SLC12A6: variants seen among roughly 807,000 people sequenced by gnomAD.
SLC12A6 encodes the protein K-Cl cotransporter 3.
A neutral mutation model predicts 135.3 loss-of-function variants in SLC12A6; 66 were observed. The observed-to-expected ratio is 0.49, with a 90% CI of 0.40 to 0.60. SLC12A6 has a LOEUF of 0.60. SLC12A6 is among the 20% of genes least tolerant of loss of function. The probability of loss-of-function intolerance (pLI) is 0.00; values close to 1 mark genes in which losing one functional copy is unlikely to be tolerated. For missense variants in SLC12A6, 1,058 were observed against 1,452.3 expected (o/e 0.73, Z 4.41); for synonymous variants, 513 against 508.8 (o/e 1.01, Z -0.11).
chr15:34,269,010 C>T (rs947637243), intron 3 of SLC12A6, among the ~76,000 whole-genome samples: 2 of 152,058 alleles, frequency 1.3e-5, no homozygotes, highest in African/African-American at 2.4e-5. Context: ...GCGCCTGCCA[C>T]CATGCCTGGC....
intron 2 of SLC12A6, among the ~76,000 whole-genome samples, chr15:34,300,019 CTAAA>C (rs1209610568): frequency 1.1e-4 from 16 of 151,968 alleles, no homozygotes; most frequent in South Asian, 4.2e-4. Context: ...ATTTGGAAGA[CTAAA>C]TGAGCAAAAA....
intron 3 of SLC12A6, among the ~76,000 whole-genome samples, chr15:34,262,261 C>CT (rs1226217431): frequency 5.3e-5 from 8 of 152,032 alleles, no homozygotes; most frequent in East Asian, 3.9e-4. Context: ...TTGTTTTAGC[C>CT]TTTTTTTGCA....
chr15:34,307,640 T>C (rs973977475), intron 2 of SLC12A6, among the ~76,000 whole-genome samples: 18 of 152,272 alleles, frequency 1.2e-4, no homozygotes, highest in African/African-American at 4.3e-4. Context: ...ATAATCAAAG[T>C]TGGAGTAGAA....
intron 2 of SLC12A6, among the ~76,000 whole-genome samples, chr15:34,280,787 CAA>C (rs1207029546): frequency 1.3e-5 from 2 of 152,044 alleles, no homozygotes; most frequent in Non-Finnish European, 2.9e-5. Context: ...CCTGGGTGTC[CAA>C]AAACAGATGA....
intron 2 of SLC12A6, among the ~76,000 whole-genome samples, chr15:34,315,138 A>C (rs1888547708): frequency 6.6e-6 from 1 of 152,246 alleles, no homozygotes; most frequent in South Asian, 2.1e-4. Context: ...AATATTCCAT[A>C]AACTAAGCAG....
intron 2 of SLC12A6, among the ~76,000 whole-genome samples, chr15:34,298,874 G>A (rs1307635723): frequency 6.6e-6 from 1 of 152,006 alleles, no homozygotes; most frequent in Non-Finnish European, 1.5e-5. Context: ...TAGACCAATT[G>A]CCACCAATTC....
intron 2 of SLC12A6, among the ~76,000 whole-genome samples, chr15:34,284,932 G>A (rs1225026835): frequency 6.6e-6 from 1 of 152,174 alleles, no homozygotes; most frequent in Non-Finnish European, 1.5e-5. Context: ...GCTAAGCGAA[G>A]CAGGTATGTA....
At chr15:34,237,635 G>C in intron 21 of SLC12A6, 85 bp from the exon 22 acceptor site, 2 of 1,125,710 alleles carry the variant, frequency 1.8e-6, no homozygotes, top group Non-Finnish European at 2.7e-6. Context: ...TTGTGGTCTA[G>C]AAGAACCTTG....
chr15:34,262,419 C>G (rs1355335939), intron 3 of SLC12A6, among the ~76,000 whole-genome samples: 1 of 151,420 alleles, frequency 6.6e-6, no homozygotes, highest in Non-Finnish European at 1.5e-5. Flanking sequence ...GCCCTCCTCA[C>G]CCTTTGATAT....
chr15:34,243,999 T>G lies in SLC12A6; in HGVS notation c.2017A>C (p.Arg673=), dbSNP rs1385506090. 6.2e-7 allele frequency: 1 copy of G among 1,604,888 alleles called. No individual in the cohort carries two copies. The highest frequency in any genetic ancestry group is 8.5e-7 in the Non-Finnish European group (1 of 1,171,524). Residue 673 remains arginine (R), a synonymous_variant, in exon 16 of 26, where the codon AGA becomes CGA. Transcript: ENST00000354181. Reference sequence around the variant, plus strand: ...CAATGGTAGTAGCGGAATCGGGGTCTCCAGTTGGGTGTTCGAAGTAATGTT... The same window carrying G: ...CAATGGTAGTAGCGGAATCGGGGTCGCCAGTTGGGTGTTCGAAGTAATGTT... ...LQTLLRTPNW[R]PRFRYYHWAL...
At chr15:34,265,509 G>T (rs1157041975) in intron 3 of SLC12A6, among the ~76,000 whole-genome samples, 2 of 152,094 alleles carry the variant, frequency 1.3e-5, no homozygotes, top group African/African-American at 2.4e-5. Context: ...TACTGGGAGA[G>T]ACTGTGACTA....
At chr15:34,244,509 T>G (rs1292365953) in intron 15 of SLC12A6, among the ~76,000 whole-genome samples, 1 of 152,164 alleles carries the variant, frequency 6.6e-6, no homozygotes, top group African/African-American at 2.4e-5. Context: ...TCCTAAAGCA[T>G]TATCATTTTG....
intron 2 of SLC12A6, among the ~76,000 whole-genome samples, chr15:34,331,217 G>A (rs1351205977): frequency 1.3e-5 from 2 of 152,122 alleles, no homozygotes; most frequent in African/African-American, 2.4e-5. Context: ...CTGTCATCCA[G>A]GCTGCAGTGC....
At chr15:34,290,439 G>C (rs985795589) in intron 2 of SLC12A6, among the ~76,000 whole-genome samples, 1 of 152,180 alleles carries the variant, frequency 6.6e-6, no homozygotes, top group South Asian at 2.1e-4. Flanking sequence ...GTGGTGCTGA[G>C]AAGAATGTAT....
At chr15:34,299,485 T>C (rs1022735502) in intron 2 of SLC12A6, 5 of 152,196 alleles carry the variant, frequency 3.3e-5, no homozygotes, top group African/African-American at 9.7e-5. Context: ...TTACAGCACA[T>C]ACGGGTAAGA....
chr15:34,267,860 CT>C, intron 3 of SLC12A6, among the ~76,000 whole-genome samples: 1 of 152,058 alleles, frequency 6.6e-6, no homozygotes, highest in Non-Finnish European at 1.5e-5. Flanking sequence ...AGGTGTAGTT[CT>C]TTTTGTTTAC....
chr15:34,308,783 A>ATTTT (rs1887943387), intron 2 of SLC12A6, among the ~76,000 whole-genome samples: 3 of 152,186 alleles, frequency 2.0e-5, no homozygotes, highest in Admixed American at 6.5e-5. Flanking sequence ...TAGAAGAAGC[A>ATTTT]GTTAACTTTC....
At chr15:34,277,428 C>T (rs8023999) in intron 2 of SLC12A6, among the ~76,000 whole-genome samples, 5,964 of 152,106 alleles carry the variant, frequency 0.039, 217 homozygotes, top group African/African-American at 0.099. Context: ...AGTGAGACCT[C>T]ATCTCTCCCC....
intron 4 of SLC12A6, among the ~76,000 whole-genome samples, 179 bp downstream of exon 4, chr15:34,260,743 TAATA>T (rs1342168679): frequency 6.6e-6 from 1 of 152,230 alleles, no homozygotes; most frequent in Non-Finnish European, 1.5e-5. Context: ...CAATTTGATT[TAATA>T]GTTACTCACT....
Sources: gnomAD v4.1 joint callset for allele counts (sites outside exome capture counted in the v4.1 genomes callset) on GRCh38, gnomAD v4.1.1 for gene constraint, MANE v1.5 for transcripts, NCBI Gene and HGNC (gene_info 2026-07-23, HGNC 2026-07-21) for gene names.